The following PDE4B variants were observed in gnomAD, a reference collection of about 807,000 sequenced individuals.
The protein encoded by PDE4B is phosphodiesterase 4B, also known as 3',5'-cyclic-AMP phosphodiesterase 4B.
A neutral mutation model predicts 82.2 loss-of-function variants in PDE4B; 20 were observed. That is an observed-to-expected ratio of 0.24 (90% confidence interval 0.17 to 0.35). The LOEUF (loss-of-function observed/expected upper bound fraction) is 0.35, where lower values mean the gene tolerates loss of function less well. Ranked by LOEUF, PDE4B falls within the 10% of genes least tolerant of loss-of-function variation. The probability of loss-of-function intolerance (pLI) is 1.00; values close to 1 mark genes in which losing one functional copy is unlikely to be tolerated. For synonymous variants in PDE4B, 320 were observed against 318.9 expected, an observed-to-expected ratio of 1.00 and a Z score of -0.04; for missense variants, 655 against 907.2, an observed-to-expected ratio of 0.72 and a Z score of 3.57.
intron 3 of PDE4B, among the ~76,000 whole-genome samples, chr1:66,146,885 A>G (rs1485547546): frequency 2.0e-5 from 3 of 152,164 alleles, no homozygotes; most frequent in African/African-American, 7.2e-5. Flanking sequence ...TCTTGTTCCT[A>G]TTGCACACTA....
chr1:66,307,891 A>G (rs561120102), intron 7 of PDE4B, among the ~76,000 whole-genome samples: 86 of 152,248 alleles, frequency 5.6e-4, no homozygotes, highest in Non-Finnish European at 9.7e-4. Flanking sequence ...TGCTGAATGA[A>G]GGAGTTAAGT....
intron 7 of PDE4B, among the ~76,000 whole-genome samples, chr1:66,304,722 A>G (rs1658148106): frequency 6.6e-6 from 1 of 152,168 alleles, no homozygotes; most frequent in African/African-American, 2.4e-5. Context: ...CCCAGTGAGG[A>G]GAATGGGGAA....
rs543929495 is a variant in PDE4B, at chr1:66,311,580, C to G, written c.635-20928C>G. 9.2e-5 allele frequency among the ~76,000 whole-genome samples: 14 copies of G among 152,366 alleles called. No homozygotes were observed. In the South Asian group the frequency reaches 2.5e-3, roughly 27 times the overall value. ...AGCCATGGCAGGTAGCTTGAGAGAACTTCTGGCTGGGAGCCTTTGACCTCC... is the reference window on the plus strand; with the variant it reads ...AGCCATGGCAGGTAGCTTGAGAGAAGTTCTGGCTGGGAGCCTTTGACCTCC... On this transcript the variant is annotated intron_variant, in intron 7 of 16. Coordinates refer to ENST00000341517, the MANE Select transcript of PDE4B (RefSeq NM_002600.4).
intron 3 of PDE4B, among the ~76,000 whole-genome samples, chr1:65,985,613 C>A (rs190062502): frequency 5.9e-5 from 9 of 152,286 alleles, no homozygotes; most frequent in Admixed American, 3.3e-4. Flanking sequence ...TCTTTGGGAA[C>A]TGGAGTACCC....
At chr1:65,976,624 A>C (rs1650422148) in intron 3 of PDE4B, among the ~76,000 whole-genome samples, 2 of 152,030 alleles carry the variant, frequency 1.3e-5, no homozygotes, top group South Asian at 2.1e-4. Flanking sequence ...GGACCTGGTG[A>C]GAGGTGATTA....
chr1:65,925,310 A>G (rs1647437297), intron 3 of PDE4B, among the ~76,000 whole-genome samples: 2 of 152,208 alleles, frequency 1.3e-5, no homozygotes, highest in Admixed American at 1.3e-4. Flanking sequence ...CACATCCTGC[A>G]CATGTACCCC....
intron 1 of PDE4B, among the ~76,000 whole-genome samples, chr1:65,908,819 A>C (rs1005317981): frequency 6.6e-6 from 1 of 152,144 alleles, no homozygotes; most frequent in African/African-American, 2.4e-5. Flanking sequence ...GCGTCAAAGT[A>C]AGTCTGATTT....
At chr1:66,092,776 G>C (rs1645048896) in intron 3 of PDE4B, among the ~76,000 whole-genome samples, 2 of 151,918 alleles carry the variant, frequency 1.3e-5, no homozygotes, top group Admixed American at 1.3e-4. Flanking sequence ...GTTGGGTGTG[G>C]GTGGGGAACA....
At chr1:66,256,112 G>A (rs1654205654) in intron 4 of PDE4B, among the ~76,000 whole-genome samples, 2 of 152,250 alleles carry the variant, frequency 1.3e-5, no homozygotes. Context: ...GGAGGCAGAA[G>A]TTGCGGTGAG....
In PDE4B at chr1:66,207,116, A is replaced by G. The variant is rs75404627; in HGVS notation, c.282-40344A>G. Among the ~76,000 whole-genome samples the G allele has an allele frequency of 6.5e-3, 990 of 152,326 alleles. 10 individuals carry two copies. The highest frequency in any genetic ancestry group is 0.022 in the African/African-American group (906 of 41,570). The stretch of plus-strand genomic sequence containing the variant: ...CAACTTATATGGCAAAATTTTTCAA[A>G]TTCTTGAATCAGGCTGAGGTAAATG... On this transcript the variant is annotated intron_variant, in intron 3 of 16. Coordinates refer to ENST00000341517, the MANE Select transcript of PDE4B (RefSeq NM_002600.4).
intron 3 of PDE4B, among the ~76,000 whole-genome samples, chr1:66,004,003 A>G (rs1652013380): frequency 6.6e-6 from 1 of 152,202 alleles, no homozygotes; most frequent in Non-Finnish European, 1.5e-5. Context: ...ATATGATGCA[A>G]AAAGCACAAC....
At chr1:66,044,196 G>A (rs1404657681) in intron 3 of PDE4B, among the ~76,000 whole-genome samples, 2 of 151,650 alleles carry the variant, frequency 1.3e-5, no homozygotes, top group African/African-American at 2.4e-5. Context: ...TCGAATCCTA[G>A]GTGTGTTTCT....
At chr1:66,071,141 A>G (rs556621794) in intron 3 of PDE4B, among the ~76,000 whole-genome samples, 1 of 152,068 alleles carries the variant, frequency 6.6e-6, no homozygotes, top group Non-Finnish European at 1.5e-5. Flanking sequence ...ATATTAAGAG[A>G]GGGTCATTCC....
intron 3 of PDE4B, among the ~76,000 whole-genome samples, chr1:66,236,605 G>C (rs190748462): frequency 0.02 from 3,016 of 151,966 alleles, 37 homozygotes; most frequent in Middle Eastern, 0.058. Context: ...TTTGTTTGTG[G>C]GTTTGTTTGT....
In PDE4B at chr1:66,267,967, G is replaced by A. The variant is rs115983847; in HGVS notation, c.634+1880G>A. The stretch of plus-strand genomic sequence containing the variant: ...GGGAATGAAAAATAACTGGCTCAGA[G>A]CAAACAGAATTGAGAACTGGAGTGC... On this transcript the variant is annotated intron_variant, in intron 7 of 16. Transcript: ENST00000341517. Among the ~76,000 whole-genome samples the A allele has an allele frequency of 6.9e-3, 1,051 of 152,258 alleles. 11 individuals are homozygous for A. Among genetic ancestry groups the A allele is most frequent in the African/African-American group, 0.025 (1,019 of 41,556 alleles).
chr1:66,204,871 G>A (rs1649414683), intron 3 of PDE4B, among the ~76,000 whole-genome samples: 1 of 152,166 alleles, frequency 6.6e-6, no homozygotes, highest in South Asian at 2.1e-4. Flanking sequence ...CCACTGTCTG[G>A]CACTCCCTAG....
Position 66,191,888 on chromosome 1 carries a change from G to A in PDE4B, c.282-55572G>A, listed in dbSNP as rs142939333. 3.2e-4 allele frequency among the ~76,000 whole-genome samples: 49 copies of A among 152,200 alleles called. 1 individual carries two copies. In the East Asian group the frequency reaches 9.3e-3, roughly 29 times the overall value. The stretch of plus-strand genomic sequence containing the variant: ...AACCCTTATAAAACCATCAGATCTT[G>A]TGAGACTTATTCACTACCTTGAGAA... On this transcript the variant is annotated intron_variant, in intron 3 of 16. Coordinates refer to ENST00000341517, the MANE Select transcript of PDE4B (RefSeq NM_002600.4).
intron 1 of PDE4B, among the ~76,000 whole-genome samples, chr1:65,869,896 A>G (rs1008487304): frequency 1.3e-5 from 2 of 152,068 alleles, no homozygotes; most frequent in African/African-American, 4.8e-5. Context: ...TCATCAACTA[A>G]CAGAAATCCT....
chr1:65,880,202 G>A (rs1237801950), intron 1 of PDE4B, among the ~76,000 whole-genome samples: 2 of 152,200 alleles, frequency 1.3e-5, no homozygotes, highest in African/African-American at 4.8e-5. Flanking sequence ...CTCCAGTGAT[G>A]CTGGGTACTC....
Sources: gnomAD v4.1 joint callset for allele counts (sites outside exome capture counted in the v4.1 genomes callset) on GRCh38, gnomAD v4.1.1 for gene constraint, MANE v1.5 for transcripts, NCBI Gene and HGNC (gene_info 2026-07-23, HGNC 2026-07-21) for gene names.